The following SH2D6 variants were observed in gnomAD, a reference collection of about 807,000 sequenced individuals.
SH2D6 encodes the protein SH2 domain-containing protein 6.
Under a neutral mutation model 30.2 loss-of-function variants are expected in SH2D6, and 31 were observed. That is an observed-to-expected ratio of 1.03 (90% CI 0.77 to 1.38). SH2D6 has a LOEUF of 1.38. Among genes scored for constraint, SH2D6 ranks in the 40% most tolerant of loss-of-function variants. The probability of loss-of-function intolerance (pLI) is 0.00; values close to 1 mark genes in which losing one functional copy is unlikely to be tolerated. For missense variants in SH2D6, 240 were observed against 266.8 expected, an observed-to-expected ratio of 0.90 and a Z score of 0.70; for synonymous variants, 93 against 104.6, an observed-to-expected ratio of 0.89 and a Z score of 0.68.
At chr2:85,434,627 A>AC in intron 19 of SH2D6, 130 bp downstream of exon 19, 1 of 1,370,364 alleles carries the variant, frequency 7.3e-7, no homozygotes, top group African/African-American at 1.5e-5. Flanking sequence ...TAAAAAAAAA[A>AC]AAAAAAAACT....
At position 85,430,058 on chromosome 2, in the gene SH2D6, C is replaced by G. The variant is rs1688429767; in HGVS notation, c.64+43C>G. The G allele has an allele frequency of 6.6e-6, 1 of 152,566 alleles. No individual in the cohort carries two copies. Among genetic ancestry groups the G allele is most frequent in the East Asian group, 1.9e-4 (1 of 5,196 alleles). 9.5% of individuals were successfully genotyped at this position (152,566 alleles called of 1,614,324 possible). On this transcript the variant is annotated intron_variant, in intron 10 of 23. Coordinates refer to ENST00000469800, the MANE Select transcript of SH2D6 (RefSeq NM_001394463.1). The surrounding 1 kb of genome is among the most constrained non-coding windows in gnomAD (Gnocchi z 4.3). ...TCAGAGGGGCCCAACAGACTGGGATCCCTTGCAAGTCAGGTCCCCCCTGAG... is the reference window on the plus strand; with the variant it reads ...TCAGAGGGGCCCAACAGACTGGGATGCCTTGCAAGTCAGGTCCCCCCTGAG...
chr2:85,435,585 G>A (rs2104951843), intron 21 of SH2D6, 81 bp from the exon 22 acceptor site: 12 of 1,582,544 alleles, frequency 7.6e-6, no homozygotes, highest in Non-Finnish European at 1.0e-5. Flanking sequence ...GGAGGGCCAG[G>A]AGGGTTCTGG....
chr2:85,435,444 C>T lies in SH2D6; in HGVS notation c.680C>T (p.Ser227Leu), dbSNP rs781760373. The change falls in exon 21 of 24, where the codon TCG becomes TTG. Residue 227 changes from serine (S) to leucine (L), a missense_variant. Physicochemically the swap from Ser to Leu is moderately radical, Grantham distance 145 (BLOSUM62 -2). Transcript: ENST00000469800. ...GATCTGCTGACTCAGCCTTGGTACT[C>T]GGGGAACTGTGACCGCTATGCTGTT... is the stretch of plus-strand genomic sequence containing the variant. The part of the protein sequence containing the change: ...DSDLLTQPWY[S>L]GNCDRYAVES... 11 of 1,613,870 alleles carry T rather than the reference C, an allele frequency of 6.8e-6. No individual in the cohort carries two copies. Among genetic ancestry groups the T allele is most frequent in the East Asian group, 6.7e-5 (3 of 44,878 alleles).
At position 85,436,851 on chromosome 2, in the gene SH2D6, G is replaced by T; in HGVS notation, c.*27G>T. 1 of 438,976 alleles carries T rather than the reference G, an allele frequency of 2.3e-6. No individual in the cohort carries two copies. 27.2% of individuals were successfully genotyped at this position (438,976 alleles called of 1,614,324 possible). On this transcript the variant is annotated 3_prime_UTR_variant, in exon 24 of 24. Coordinates refer to ENST00000469800, the MANE Select transcript of SH2D6 (RefSeq NM_001394463.1). ...CTGGCCTCCAGGAATGCAGGTGTCT[G>T]CCCAGTTCACTAGGTCCTGGATGAA...
rs1249352800 is a variant in SH2D6 at position 85,436,291 on chromosome 2, G to T, written c.892-175G>T. ...CCATGGGTGCAGCAGCAGGAAAGTTGCCTGAGGCCTGGAACGGGGCAGCAA... is the reference window on the plus strand; with the variant it reads ...CCATGGGTGCAGCAGCAGGAAAGTTTCCTGAGGCCTGGAACGGGGCAGCAA... On this transcript the variant is annotated intron_variant, in intron 22 of 23. Transcript: ENST00000469800. Among the ~76,000 whole-genome samples, 3 of 152,212 alleles carry T rather than the reference G, an allele frequency of 2.0e-5. No homozygotes were observed. In the East Asian group the frequency reaches 5.8e-4, roughly 29 times the overall value.
At chr2:85,435,195 C>T (rs1345377944) in intron 20 of SH2D6, 72 bp downstream of exon 20, 2 of 1,483,270 alleles carry the variant, frequency 1.3e-6, no homozygotes, top group African/African-American at 2.8e-5. Flanking sequence ...TACCCAGGAA[C>T]CCTCTTGGGC....
chr2:85,435,623 G>A (rs1295272610), intron 21 of SH2D6, 43 bp from the exon 22 acceptor site: 13 of 1,578,756 alleles, frequency 8.2e-6, no homozygotes, highest in Non-Finnish European at 1.1e-5. Context: ...GCAGTGGGAG[G>A]GCCATTGGAA....
At chr2:85,434,784 G>A (rs1306057945) in intron 19 of SH2D6, 1 of 1,457,256 alleles carries the variant, frequency 6.9e-7, no homozygotes, top group Non-Finnish European at 9.0e-7. Flanking sequence ...AGGCCTGAGG[G>A]GACCCTCTTG....
rs184422855 is a variant in SH2D6, at chr2:85,437,016, A to G, written c.*192A>G. On this transcript the variant is annotated 3_prime_UTR_variant, in exon 24 of 24. Coordinates refer to ENST00000469800, the MANE Select transcript of SH2D6 (RefSeq NM_001394463.1). Reference sequence around the variant, plus strand: ...TTGCACAAGTTCACATTCAATAAACATTTGTTGAATGAATTATTGAATCTG... The same window carrying G: ...TTGCACAAGTTCACATTCAATAAACGTTTGTTGAATGAATTATTGAATCTG... 21 of 164,510 alleles carry G rather than the reference A, an allele frequency of 1.3e-4. No homozygotes were observed. Among genetic ancestry groups the G allele is most frequent in the African/African-American group, 3.6e-4 (15 of 41,828 alleles). 10.2% of individuals were successfully genotyped at this position (164,510 alleles called of 1,614,324 possible). A position where few individuals can be genotyped will look rare whatever the true frequency, so the allele number is the denominator to read the frequency against.
intron 2 of SH2D6, among the ~76,000 whole-genome samples, chr2:85,420,312 G>A (rs748585355): frequency 5.3e-5 from 8 of 152,130 alleles, no homozygotes; most frequent in Non-Finnish European, 1.2e-4. Context: ...TAGAGACGGG[G>A]TTTCACCATG....
intron 6 of SH2D6, among the ~76,000 whole-genome samples, chr2:85,425,784 G>A (rs1687994380): frequency 6.6e-6 from 1 of 152,080 alleles, no homozygotes; most frequent in Admixed American, 6.6e-5. Flanking sequence ...TGGGCCCTGG[G>A]TGGTGGCACT....
At chr2:85,425,257 CTTTTTTTTTTTTTT>C (rs56321596) in intron 5 of SH2D6, 37 bp from the exon 6 acceptor site, 1 of 96,160 alleles carries the variant, frequency 1.0e-5, no homozygotes, top group Non-Finnish European at 2.0e-5. Context: ...TTCTTTCTTT[CTTTTTTTTTTTTTT>C]TTTTTTTTGA....
intron 19 of SH2D6, 85 bp from the exon 20 acceptor site, chr2:85,434,980 C>A (rs1392820621): frequency 2.6e-6 from 4 of 1,562,436 alleles, no homozygotes; most frequent in Admixed American, 1.8e-5. Flanking sequence ...CTACCCCCCA[C>A]CCCCGCAGCT....
intron 19 of SH2D6, 114 bp downstream of exon 19, chr2:85,434,611 T>C: frequency 6.0e-6 from 7 of 1,158,864 alleles, no homozygotes; most frequent in Non-Finnish European, 8.3e-6. Flanking sequence ...TGCACTTGAC[T>C]AGACTTAAAA....
chr2:85,433,737 ACCC>A, intron 16 of SH2D6, 106 bp downstream of exon 16: 2 of 862,110 alleles, frequency 2.3e-6, no homozygotes, highest in Non-Finnish European at 3.1e-6. Context: ...GCCTCTCACC[ACCC>A]CCCACCAACA....
In SH2D6 at chr2:85,436,478, G is replaced by A. The variant is rs546038858; in HGVS notation, c.904G>A (p.Val302Met). Residue 302 changes from valine to methionine, a missense_variant, in exon 23 of 24, where the codon GTG (valine) becomes ATG (methionine). Transcript: ENST00000469800. Reference sequence around the variant, plus strand: ...CCTCCCTGGCCAGCTCTTCTCCTCCGTGGCGGCCATGGTCCAGCACTTCAT... The same window carrying A: ...CCTCCCTGGCCAGCTCTTCTCCTCCATGGCGGCCATGGTCCAGCACTTCAT... ...GRNREELFSS[V>M]AAMVQHFMWH... 12 of 1,613,606 alleles carry A rather than the reference G, an allele frequency of 7.4e-6. No homozygotes were observed. Among genetic ancestry groups the A allele is most frequent in the Non-Finnish European group, 1.0e-5 (12 of 1,179,956 alleles).
intron 5 of SH2D6, among the ~76,000 whole-genome samples, chr2:85,423,195 T>TG (rs1195511441): frequency 7.4e-6 from 1 of 135,206 alleles, no homozygotes; most frequent in Non-Finnish European, 1.7e-5. Flanking sequence ...GCCTGTTTTT[T>TG]TTTTTGTTGT....
intron 14 of SH2D6, among the ~76,000 whole-genome samples, chr2:85,432,373 TTTTA>T (rs144187348): frequency 3.2e-4 from 42 of 130,292 alleles, no homozygotes; most frequent in African/African-American, 9.6e-4. Context: ...ATTTTTGTAT[TTTTA>T]TTTATTTATT....
At position 85,426,100 on chromosome 2, in the gene SH2D6, C is replaced by T. The variant is rs577863430; in HGVS notation, c.-209+693C>T. Among the ~76,000 whole-genome samples, 6 of 152,280 alleles carry T rather than the reference C, an allele frequency of 3.9e-5. No individual in the cohort carries two copies. In the South Asian group the frequency reaches 8.3e-4, roughly 21 times the overall value. On this transcript the variant is annotated intron_variant, in intron 6 of 23. Coordinates refer to ENST00000469800, the MANE Select transcript of SH2D6 (RefSeq NM_001394463.1). ...CCACATCTCCGCGGCTCTTCCTCCA[C>T]GTGCTGCGCTCTCCCACCTCTGAGA...
Sources: allele counts gnomAD v4.1 joint callset (sites outside exome capture counted in the v4.1 genomes callset), GRCh38; gene constraint gnomAD v4.1.1; non-coding constraint Gnocchi (gnomAD v3.1); transcripts MANE v1.5; gene names NCBI Gene and HGNC (gene_info 2026-07-23, HGNC 2026-07-21).